Variants in DLC1 observed in about 807,000 individuals in gnomAD.
The protein encoded by DLC1 is rho GTPase-activating protein 7.
DLC1 carries 54 observed loss-of-function variants against 140.3 expected under a neutral mutation model. That is an observed-to-expected ratio of 0.38 (90% CI 0.31 to 0.48). DLC1 has a LOEUF of 0.48. DLC1 is among the 20% of genes least tolerant of loss of function. DLC1 has a pLI of 0.96. For missense variants in DLC1, 2,536 were observed against 1,907.0 expected, an observed-to-expected ratio of 1.33 and a Z score of -6.14; for synonymous variants, 986 against 728.1, an observed-to-expected ratio of 1.35 and a Z score of -5.70.
intron 4 of DLC1, among the ~76,000 whole-genome samples, chr8:13,368,074 G>A (rs1240145739): frequency 1.3e-5 from 2 of 152,164 alleles, no homozygotes; most frequent in African/African-American, 4.8e-5. Flanking sequence ...CTGGCTTCAA[G>A]AGGCCCTTGT....
At chr8:13,449,717 G>T (rs1173245754) in intron 2 of DLC1, among the ~76,000 whole-genome samples, 3 of 152,092 alleles carry the variant, frequency 2.0e-5, no homozygotes, top group Non-Finnish European at 4.4e-5. Flanking sequence ...TATAACTCAT[G>T]TAAATGACAA....
At position 13,110,751 on chromosome 8, in the gene DLC1, G is replaced by C; in HGVS notation, c.1493C>G (p.Ala498Gly). 1.9e-6 allele frequency: 3 copies of C among 1,613,856 alleles called. No homozygotes were observed. Among genetic ancestry groups the C allele is most frequent in the Non-Finnish European group, 2.5e-6 (3 of 1,179,892 alleles). ...HDFLDRDAIE[A>G]LCRRLNTLNK... Reference sequence around the variant, plus strand: ...AAACGTGTCCATTTACCTGCATAGAGCCTCAATGGCATCTCTGTCCAAAAA... The same window carrying C: ...AAACGTGTCCATTTACCTGCATAGACCCTCAATGGCATCTCTGTCCAAAAA... The change falls in exon 7 of 18, where the codon GCT becomes GGT. Residue 498 changes from alanine to glycine, a missense_variant. Coordinates refer to ENST00000276297, the MANE Select transcript of DLC1 (RefSeq NM_182643.3).
At chr8:13,564,323 G>T (rs184567978) in intron 1 of DLC1, among the ~76,000 whole-genome samples, 13 of 152,214 alleles carry the variant, frequency 8.5e-5, no homozygotes, top group African/African-American at 3.1e-4. Flanking sequence ...AGTGATATAC[G>T]ATTCTTTCCT....
At chr8:13,163,561 A>G (rs759619812) in intron 5 of DLC1, among the ~76,000 whole-genome samples, 1 of 152,128 alleles carries the variant, frequency 6.6e-6, no homozygotes, top group Non-Finnish European at 1.5e-5. Flanking sequence ...GGATGGGAAG[A>G]GAACGAGTAG....
chr8:13,456,976 G>C lies in DLC1; in HGVS notation c.1023+42073C>G, dbSNP rs1159492261. ...TCTTATTTTGTAGTTGTCATCACTG[G>C]AAACGTCCAGTTGTAGAACACAACC... On this transcript the variant is annotated intron_variant, in intron 2 of 17. Transcript: ENST00000276297. Among the ~76,000 whole-genome samples the C allele has an allele frequency of 2.6e-5, 4 of 152,196 alleles. 1 individual carries two copies. The East Asian group carries it at 7.7e-4, about 29-fold the overall frequency.
At chr8:13,299,754 T>C (rs1012525461) in intron 5 of DLC1, among the ~76,000 whole-genome samples, 6 of 152,126 alleles carry the variant, frequency 3.9e-5, no homozygotes, top group Admixed American at 1.3e-4. Context: ...GGACCATTTA[T>C]AATGGGAAAC....
intron 5 of DLC1, among the ~76,000 whole-genome samples, chr8:13,275,770 T>C (rs998551818): frequency 6.6e-6 from 1 of 152,074 alleles, no homozygotes; most frequent in African/African-American, 2.4e-5. Context: ...CCAGAGGAAA[T>C]ACCAGCAGGC....
chr8:13,268,457 G>T (rs1266252753), intron 5 of DLC1, among the ~76,000 whole-genome samples: 2 of 152,142 alleles, frequency 1.3e-5, no homozygotes, highest in Non-Finnish European at 2.9e-5. Flanking sequence ...TGGGACTACA[G>T]GCGCGCAGCC....
chr8:13,464,766 T>TTATATATATA (rs1299837929), intron 2 of DLC1, among the ~76,000 whole-genome samples: 2 of 7,550 alleles, frequency 2.6e-4, no homozygotes, highest in African/African-American at 8.2e-4. Flanking sequence ...ATATATATAT[T>TTATATATATA]TATATATATA....
chr8:13,355,533 C>G (rs1191545191), intron 4 of DLC1, among the ~76,000 whole-genome samples: 1 of 152,176 alleles, frequency 6.6e-6, no homozygotes, highest in Admixed American at 6.5e-5. Context: ...TGGCCCCTCT[C>G]TGGTGGCTCT....
At chr8:13,201,157 G>A (rs7003502) in intron 5 of DLC1, among the ~76,000 whole-genome samples, 4,101 of 150,912 alleles carry the variant, frequency 0.027, 178 homozygotes, top group African/African-American at 0.095. Flanking sequence ...AAAGCCAACA[G>A]CCTGTTTCTG....
intron 5 of DLC1, among the ~76,000 whole-genome samples, chr8:13,240,316 A>G (rs559385011): frequency 1.6e-4 from 24 of 152,330 alleles, no homozygotes; most frequent in African/African-American, 5.5e-4. Flanking sequence ...GGAACATAAC[A>G]ATGAAACGTG....
intron 5 of DLC1, among the ~76,000 whole-genome samples, chr8:13,245,629 G>A (rs558620858): frequency 4.6e-5 from 7 of 152,194 alleles, no homozygotes; most frequent in South Asian, 4.1e-4. Context: ...TTAAGATACT[G>A]TACCACTCCC....
chr8:13,249,437 T>C (rs998366892), intron 5 of DLC1, among the ~76,000 whole-genome samples: 12 of 152,130 alleles, frequency 7.9e-5, no homozygotes, highest in African/African-American at 2.9e-4. Context: ...GTTGAGACTA[T>C]TGGTATCCTC....
chr8:13,203,063 G>A (rs560377025), intron 5 of DLC1, among the ~76,000 whole-genome samples: 6 of 152,290 alleles, frequency 3.9e-5, no homozygotes, highest in East Asian at 1.9e-4. Context: ...TAGTAGGAAA[G>A]TGGGATTCAG....
Position 13,499,637 on chromosome 8 carries a change from G to T in DLC1, c.435C>A (p.Gly145=), listed in dbSNP as rs750244627. 6 of 1,614,038 alleles carry T rather than the reference G, an allele frequency of 3.7e-6. No individual in the cohort carries two copies. The highest frequency in any genetic ancestry group is 5.1e-6 in the Non-Finnish European group (6 of 1,180,014). Residue 145 remains glycine (G), a synonymous_variant, in exon 2 of 18, where the codon GGC becomes GGA. Coordinates refer to ENST00000276297, the MANE Select transcript of DLC1 (RefSeq NM_182643.3). The part of the protein sequence containing the change: ...TSGQHMIQGA[G]SLEKALPIIQ... ...TGATGGGCAGTGCCTTTTCTAAGGA[G>T]CCTGCTCCTTGGATCATATGTTGGC...
intron 4 of DLC1, among the ~76,000 whole-genome samples, chr8:13,374,785 C>T (rs1223250169): frequency 2.0e-5 from 3 of 152,060 alleles, no homozygotes; most frequent in African/African-American, 4.8e-5. Flanking sequence ...CCGTCTTGGG[C>T]AGTATGGCCA....
At chr8:13,186,116 A>G (rs538487223) in intron 5 of DLC1, among the ~76,000 whole-genome samples, 3 of 152,196 alleles carry the variant, frequency 2.0e-5, no homozygotes, top group South Asian at 4.1e-4. Context: ...GAATCTGACA[A>G]TTATGTGTCT....
At chr8:13,374,100 G>C (rs577627640) in intron 4 of DLC1, among the ~76,000 whole-genome samples, 29 of 152,158 alleles carry the variant, frequency 1.9e-4, no homozygotes, top group Non-Finnish European at 3.8e-4. Context: ...AATGCTATAA[G>C]TGAATGAACT....
Sources: allele counts gnomAD v4.1 joint callset (sites outside exome capture counted in the v4.1 genomes callset), GRCh38; gene constraint gnomAD v4.1.1; transcripts MANE v1.5; gene names NCBI Gene and HGNC (gene_info 2026-07-23, HGNC 2026-07-21).